Variants in ARGLU1 observed in about 807,000 individuals in gnomAD.
The protein encoded by ARGLU1 is arginine and glutamate rich 1, also known as arginine and glutamate-rich protein 1.
A neutral mutation model predicts 37.6 loss-of-function variants in ARGLU1; 9 were observed. The ratio of observed to expected loss-of-function variants is 0.24; its 90% CI spans 0.14 to 0.42. The LOEUF (loss-of-function observed/expected upper bound fraction) is 0.42, where lower values mean the gene tolerates loss of function less well. ARGLU1 is among the 10% of genes least tolerant of loss of function. The probability of loss-of-function intolerance (pLI) is 1.00; values close to 1 mark genes in which losing one functional copy is unlikely to be tolerated. For missense variants in ARGLU1, 211 were observed against 359.2 expected, an observed-to-expected ratio of 0.59 and a Z score of 3.34; for synonymous variants, 166 against 138.5, an observed-to-expected ratio of 1.20 and a Z score of -1.39.
At position 106,567,543 on chromosome 13, in the gene ARGLU1, G is replaced by T; in HGVS notation, c.347+30C>A. 1 of 1,502,924 alleles carries T rather than the reference G, an allele frequency of 6.7e-7. No individual in the cohort carries two copies. The highest frequency in any genetic ancestry group is 9.2e-7 in the Non-Finnish European group (1 of 1,081,274). 93.1% of individuals were successfully genotyped at this position (1,502,924 alleles called of 1,614,324 possible). A position where few individuals can be genotyped will look rare whatever the true frequency, so the allele number is the denominator to read the frequency against. ...TCGCCCCGCGCCCTGCTCTCCGCAC[G>T]CCCCGGTCCCTCCCCGCGCGGGCAC... On this transcript the variant is annotated intron_variant, in intron 1 of 3. Coordinates refer to ENST00000400198, the MANE Select transcript of ARGLU1 (RefSeq NM_018011.4). The surrounding 1 kb of genome is among the most constrained non-coding windows in gnomAD (Gnocchi z 4.3).
At chr13:106,559,091 T>C in intron 2 of ARGLU1, 1 of 1,233,520 alleles carries the variant, frequency 8.1e-7, no homozygotes, top group Middle Eastern at 3.5e-4. Flanking sequence ...GGTGGATTTT[T>C]AACCTTTTCC....
At chr13:106,562,637 G>A (rs1185390272) in intron 1 of ARGLU1, among the ~76,000 whole-genome samples, 1 of 151,970 alleles carries the variant, frequency 6.6e-6, no homozygotes, top group Non-Finnish European at 1.5e-5. Context: ...AGATCTTCAA[G>A]GTTTTCAATG....
At chr13:106,559,005 T>C (rs1172433587) in intron 2 of ARGLU1, 1 of 985,322 alleles carries the variant, frequency 1.0e-6, no homozygotes, top group African/African-American at 1.7e-5. Flanking sequence ...GCCCTGCTCT[T>C]TTTAATCTGA....
rs1478323627 is a variant in ARGLU1 at position 106,543,189 on chromosome 13, T to C, written c.*807A>G. 6.6e-6 allele frequency: 1 copy of C among 152,522 alleles called. No homozygotes were observed. Among genetic ancestry groups the C allele is most frequent in the African/African-American group, 2.4e-5 (1 of 41,450 alleles). 9.4% of individuals were successfully genotyped at this position (152,522 alleles called of 1,614,324 possible). A position where few individuals can be genotyped will look rare whatever the true frequency, so the allele number is the denominator to read the frequency against. ...TTAAATACTAATTCACAAGTATATT[T>C]AATGTACATATAAACCCTATGTTAA... On this transcript the variant is annotated 3_prime_UTR_variant, in exon 4 of 4. Coordinates refer to ENST00000400198, the MANE Select transcript of ARGLU1 (RefSeq NM_018011.4).
intron 3 of ARGLU1, among the ~76,000 whole-genome samples, chr13:106,549,867 CA>C (rs1331995709): frequency 6.6e-6 from 1 of 152,184 alleles, no homozygotes; most frequent in Admixed American, 6.5e-5. Context: ...ATATTATGTA[CA>C]AAAAGCACTG....
In ARGLU1 at chr13:106,564,614, T is replaced by C. The variant is rs560201858; in HGVS notation, c.347+2959A>G. ...TCTTCTCCCTCTTCCTAACTGCAAA[T>C]ACAGGCATGTCCTAAGGTTCTTTCA... On this transcript the variant is annotated intron_variant, in intron 1 of 3. Transcript: ENST00000400198. 1.6e-4 allele frequency among the ~76,000 whole-genome samples: 25 copies of C among 152,276 alleles called. No individual in the cohort carries two copies. In the South Asian group the frequency reaches 5.0e-3, roughly 30 times the overall value.
chr13:106,552,631 G>GT (rs1880558988), intron 3 of ARGLU1, among the ~76,000 whole-genome samples: 1 of 152,130 alleles, frequency 6.6e-6, no homozygotes. Flanking sequence ...TTTCAGAACA[G>GT]TATCTGAGAT....
Position 106,567,811 on chromosome 13 carries a change from C to T in ARGLU1, c.109G>A (p.Val37Met), listed in dbSNP as rs373387006. The change falls in exon 1 of 4, where the codon GTG (valine) becomes ATG (methionine). Residue 37 changes from valine (V) to methionine (M), a missense_variant. Physicochemically the swap from Val to Met is conservative, Grantham distance 21. Coordinates refer to ENST00000400198, the MANE Select transcript of ARGLU1 (RefSeq NM_018011.4). The surrounding 1 kb of genome is among the most constrained non-coding windows in gnomAD (Gnocchi z 4.3). Reference sequence around the variant, plus strand: ...TCCCGAGATTTGGAACGCTTCCGCACGCGCTCCTTGTCCCGGGATCGCGAC... The same window carrying T: ...TCCCGAGATTTGGAACGCTTCCGCATGCGCTCCTTGTCCCGGGATCGCGAC... ...SRSRSRDKERVRKRSKSRESK... is the reference protein window; with the variant it reads ...SRSRSRDKERMRKRSKSRESK... 1 of 1,613,688 alleles carries T rather than the reference C, an allele frequency of 6.2e-7. No individual in the cohort carries two copies. The highest frequency in any genetic ancestry group is 1.7e-5 in the Admixed American group (1 of 60,014).
chr13:106,559,444 T>A lies in ARGLU1; in HGVS notation c.561A>T (p.Gln187His). Residue 187 changes from glutamine to histidine, a missense_variant, in exon 2 of 4, where the codon CAA becomes CAT. Gln to His is a conservative substitution (Grantham distance 24). This residue lies in a region of ARGLU1 where 80 missense variants were observed against 158.4 expected (regional missense o/e 0.51). Coordinates refer to ENST00000400198, the MANE Select transcript of ARGLU1 (RefSeq NM_018011.4). ...GACCGAGCGTTACCTCTCTAGCTTT[T>A]TGTGCGGCAAGCTCAGCTTGTCTCT... ...ERQRQAELAA[Q>H]KAREEEERAK... 6.2e-7 allele frequency: 1 copy of A among 1,614,168 alleles called. No individual in the cohort carries two copies. The highest frequency in any genetic ancestry group is 8.5e-7 in the Non-Finnish European group (1 of 1,180,020).
chr13:106,565,649 C>G (rs931192842), intron 1 of ARGLU1, among the ~76,000 whole-genome samples: 18 of 152,204 alleles, frequency 1.2e-4, no homozygotes, highest in African/African-American at 4.3e-4. Context: ...ACTGCCAAAG[C>G]TCCAACACTT....
At chr13:106,563,640 A>G (rs1880878128) in intron 1 of ARGLU1, among the ~76,000 whole-genome samples, 1 of 152,218 alleles carries the variant, frequency 6.6e-6, no homozygotes, top group African/African-American at 2.4e-5. Flanking sequence ...TGTCTCTACA[A>G]AAATAATAAA....
At chr13:106,558,623 C>T in intron 2 of ARGLU1, 2 of 985,206 alleles carry the variant, frequency 2.0e-6, no homozygotes, top group Non-Finnish European at 1.2e-6. Flanking sequence ...TCAGTGCAAA[C>T]AAGCCATAAA....
At chr13:106,549,947 T>C (rs1037202234) in intron 3 of ARGLU1, among the ~76,000 whole-genome samples, 1 of 152,362 alleles carries the variant, frequency 6.6e-6, no homozygotes, top group African/African-American at 2.4e-5. Flanking sequence ...GAATTTTCTT[T>C]ATACTTTCTG....
Position 106,543,774 on chromosome 13 carries a change from T to C in ARGLU1, c.*222A>G, listed in dbSNP as rs534039493. The C allele has an allele frequency of 8.4e-5, 36 of 426,236 alleles. No individual in the cohort carries two copies. Among genetic ancestry groups the C allele is most frequent in the Admixed American group, 1.4e-4 (3 of 21,476 alleles). 26.4% of individuals were successfully genotyped at this position (426,236 alleles called of 1,614,324 possible). A position where few individuals can be genotyped will look rare whatever the true frequency, so the allele number is the denominator to read the frequency against. Reference sequence around the variant, plus strand: ...AGAATCCAAACAGGTGAAAAATACGTCACTCCTTAGAATACAACAATGATC... The same window carrying C: ...AGAATCCAAACAGGTGAAAAATACGCCACTCCTTAGAATACAACAATGATC... On this transcript the variant is annotated 3_prime_UTR_variant, in exon 4 of 4. Coordinates refer to ENST00000400198, the MANE Select transcript of ARGLU1 (RefSeq NM_018011.4).
In ARGLU1 at chr13:106,567,941, C is replaced by G. The variant is rs745863402; in HGVS notation, c.-22G>C. The G allele has an allele frequency of 6.3e-7, 1 of 1,596,212 alleles. No individual in the cohort carries two copies. The highest frequency in any genetic ancestry group is 2.2e-5 in the East Asian group (1 of 44,562). On this transcript the variant is annotated 5_prime_UTR_variant, in exon 1 of 4. Coordinates refer to ENST00000400198, the MANE Select transcript of ARGLU1 (RefSeq NM_018011.4). This position sits in a 1 kb window ranked among gnomAD's most constrained non-coding sequence, Gnocchi z 4.3. ...CCATCCTTCCGGGAGACGCTCTAAC[C>G]GCTCGCCTCAGGCCCCTCACGCGGC... is the stretch of plus-strand genomic sequence containing the variant.
intron 1 of ARGLU1, among the ~76,000 whole-genome samples, chr13:106,562,321 CA>C (rs1267889223): frequency 6.6e-6 from 1 of 152,178 alleles, no homozygotes. Context: ...CTGAATTCAG[CA>C]AACCAGTGAG....
chr13:106,560,885 C>A (rs1239950368), intron 1 of ARGLU1, among the ~76,000 whole-genome samples: 1 of 152,168 alleles, frequency 6.6e-6, no homozygotes, highest in Non-Finnish European at 1.5e-5. Context: ...TTCTAAGTGA[C>A]CTTTAAATAC....
chr13:106,555,637 G>A (rs1456572445), intron 3 of ARGLU1, among the ~76,000 whole-genome samples: 2 of 152,204 alleles, frequency 1.3e-5, no homozygotes, highest in Admixed American at 6.5e-5. Context: ...TACCATTTGA[G>A]AAGTATTAGG....
At chr13:106,556,194 G>T (rs1409628204) in intron 3 of ARGLU1, among the ~76,000 whole-genome samples, 1 of 152,160 alleles carries the variant, frequency 6.6e-6, no homozygotes, top group Non-Finnish European at 1.5e-5. Context: ...CAGATTTTAA[G>T]ATTTTCTTCG....
Sources: gnomAD v4.1 joint callset for allele counts (sites outside exome capture counted in the v4.1 genomes callset) on GRCh38, gnomAD v4.1.1 for gene constraint, gnomAD v4.1.1 regional missense constraint, Gnocchi (gnomAD v3.1) non-coding constraint, MANE v1.5 for transcripts, NCBI Gene and HGNC (gene_info 2026-07-23, HGNC 2026-07-21) for gene names.